Variants in HYDIN observed in about 807,000 individuals in gnomAD.
The protein encoded by HYDIN is HYDIN axonemal central pair apparatus protein.
HYDIN carries 132 observed loss-of-function variants against 403.9 expected under a neutral mutation model. The ratio of observed to expected loss-of-function variants is 0.33; its 90% confidence interval spans 0.28 to 0.38. The LOEUF is 0.38. Among genes scored for constraint, HYDIN ranks in the 10% least tolerant of loss-of-function variants. The pLI, the probability that HYDIN is intolerant of heterozygous loss-of-function variation, is 1.00. For synonymous variants in HYDIN, 1,202 were observed against 1,891.7 expected (o/e 0.64, Z 9.46); for missense variants, 2,827 against 5,009.5 (o/e 0.56, Z 13.15).
intron 18 of HYDIN, among the ~76,000 whole-genome samples, chr16:71,057,415 A>G (rs1172702113): frequency 1.3e-5 from 2 of 152,220 alleles, no homozygotes; most frequent in East Asian, 3.8e-4. Context: ...AATGGCTGCT[A>G]ACTGGGACCA....
intron 12 of HYDIN, among the ~76,000 whole-genome samples, chr16:71,081,767 G>T (rs2082792563): frequency 6.6e-6 from 1 of 150,662 alleles, no homozygotes; most frequent in Admixed American, 6.6e-5. Flanking sequence ...CAGTGCAGGG[G>T]TCTGTTAAAA....
chr16:70,889,654 T>C lies in HYDIN; in HGVS notation c.9707A>G (p.Lys3236Arg). The change falls in exon 58 of 86, where the codon AAA becomes AGA. Residue 3236 changes from lysine to arginine, a missense_variant. Transcript: ENST00000393567. ...CTTGGCTGCTCTGGAAGAGCCAGTTTTGTAGAAGCTCTCACTTTCTCGGGA... is the reference window on the plus strand; with the variant it reads ...CTTGGCTGCTCTGGAAGAGCCAGTTCTGTAGAAGCTCTCACTTTCTCGGGA... Reference protein sequence around the residue: ...ARSRESESFYKTGSSRAAKFS... With the variant: ...ARSRESESFYRTGSSRAAKFS... 3.0e-6 allele frequency: 2 copies of C among 665,814 alleles called. No homozygotes were observed. Among genetic ancestry groups the C allele is most frequent in the Non-Finnish European group, 5.1e-6 (2 of 394,386 alleles). The allele number at this position is 665,814 out of a possible 1,614,324, so 41.2% of individuals were successfully genotyped here.
intron 68 of HYDIN, among the ~76,000 whole-genome samples, chr16:70,862,806 T>C (rs2039494701): frequency 6.6e-6 from 1 of 150,796 alleles, no homozygotes; most frequent in Non-Finnish European, 1.5e-5. Context: ...AAGGGATCTA[T>C]AATCTCCCAC....
At chr16:71,191,997 T>A (rs559092780) in intron 1 of HYDIN, among the ~76,000 whole-genome samples, 1 of 152,154 alleles carries the variant, frequency 6.6e-6, no homozygotes, top group Non-Finnish European at 1.5e-5. Context: ...ATTATATGTT[T>A]TAGTTACTTT....
intron 18 of HYDIN, among the ~76,000 whole-genome samples, chr16:71,051,668 A>AAAAC (rs1295410639): frequency 8.9e-6 from 1 of 112,308 alleles, no homozygotes; most frequent in African/African-American, 3.2e-5. Flanking sequence ...AACAAAAAAA[A>AAAAC]CAAAAAAAAG....
chr16:71,224,622 C>T (rs572986632), intron 1 of HYDIN, among the ~76,000 whole-genome samples: 188 of 132,894 alleles, frequency 1.4e-3, no homozygotes, highest in South Asian at 2.9e-3. Context: ...AGTGCAGTGG[C>T]GGGATCTCGG....
Position 70,805,865 on chromosome 16 carries a change from A to C in HYDIN, c.*1715T>G, listed in dbSNP as rs2035083735. 6.6e-6 allele frequency among the ~76,000 whole-genome samples: 1 copy of C among 152,174 alleles called. No individual in the cohort carries two copies. The highest frequency in any genetic ancestry group is 1.5e-5 in the Non-Finnish European group (1 of 68,034). On this transcript the variant is annotated 3_prime_UTR_variant, in exon 86 of 86. Transcript: ENST00000393567. ...TGTGGAATGAAAATATTTAATGAAAAATTCCAGAAATAAAAAATTCATACT... is the reference window on the plus strand; with the variant it reads ...TGTGGAATGAAAATATTTAATGAAACATTCCAGAAATAAAAAATTCATACT...
At chr16:71,058,343 ACAAAAAAC>A (rs901551166) in intron 18 of HYDIN, among the ~76,000 whole-genome samples, 1 of 139,080 alleles carries the variant, frequency 7.2e-6, no homozygotes, top group African/African-American at 2.6e-5. Context: ...TATCGCAAGA[ACAAAAAAC>A]CAAACAGCAC....
rs1170357212 is a variant in HYDIN at position 71,093,852 on chromosome 16, C to T, written c.1411G>A (p.Gly471Arg). ...IHFNFELLDI[G>R]KVFTGSAHCY... ...TGTGCAGATCCAGTGAAAACTTTCC[C>T]AATATCCAGCAATTCAAAGTTGAAG... Residue 471 changes from glycine to arginine, a missense_variant, in exon 11 of 86, where the codon GGG becomes AGG. By Grantham distance (125) the Gly-to-Arg change is moderately radical (BLOSUM62 -2). Coordinates refer to ENST00000393567, the MANE Select transcript of HYDIN (RefSeq NM_001270974.2). 1 of 1,613,520 alleles carries T rather than the reference C, an allele frequency of 6.2e-7. No individual in the cohort carries two copies. Among genetic ancestry groups the T allele is most frequent in the African/African-American group, 1.3e-5 (1 of 74,992 alleles).
At position 70,879,383 on chromosome 16, in the gene HYDIN, G is replaced by A. The variant is rs2040637546; in HGVS notation, c.10471C>T (p.Pro3491Ser). 2.5e-6 allele frequency: 4 copies of A among 1,569,562 alleles called. No homozygotes were observed. Among genetic ancestry groups the A allele is most frequent in the Non-Finnish European group, 3.5e-6 (4 of 1,141,186 alleles). ...RPVLHNQYGNPLLLFKRLLLG... is the reference protein window; with the variant it reads ...RPVLHNQYGNSLLLFKRLLLG... ...AGAAGCCTCTTAAAGAGGAGCAAGGGGTTTCCATATTGGTTATGAAGAACT... is the reference window on the plus strand; with the variant it reads ...AGAAGCCTCTTAAAGAGGAGCAAGGAGTTTCCATATTGGTTATGAAGAACT... The change falls in exon 62 of 86, where the codon CCC becomes TCC. Residue 3491 changes from proline (P) to serine (S), a missense_variant. Coordinates refer to ENST00000393567, the MANE Select transcript of HYDIN (RefSeq NM_001270974.2).
intron 13 of HYDIN, among the ~76,000 whole-genome samples, chr16:71,078,758 G>A (rs1202259488): frequency 6.6e-6 from 1 of 152,276 alleles, no homozygotes; most frequent in African/African-American, 2.4e-5. Context: ...CTCCCGCCTC[G>A]CCCTCCCAAA....
At chr16:71,130,397 T>C (rs1414611316) in intron 8 of HYDIN, among the ~76,000 whole-genome samples, 2 of 150,960 alleles carry the variant, frequency 1.3e-5, no homozygotes, top group African/African-American at 4.9e-5. Context: ...ATCAGAAAGA[T>C]GTGTTGAGGG....
At chr16:71,008,301 T>C (rs2079956393) in intron 23 of HYDIN, among the ~76,000 whole-genome samples, 1 of 152,138 alleles carries the variant, frequency 6.6e-6, no homozygotes, top group Non-Finnish European at 1.5e-5. Context: ...AAAGTTGAAA[T>C]GATTAACAAA....
chr16:70,978,699 C>T (rs2078958273), intron 30 of HYDIN, among the ~76,000 whole-genome samples: 1 of 152,196 alleles, frequency 6.6e-6, no homozygotes, highest in Non-Finnish European at 1.5e-5. Flanking sequence ...GCTCATCTTG[C>T]CTCTCCTAGC....
chr16:70,911,606 G>A (rs1253178593), intron 47 of HYDIN, among the ~76,000 whole-genome samples: 2 of 149,466 alleles, frequency 1.3e-5, no homozygotes, highest in Non-Finnish European at 3.0e-5. Context: ...CTCTTTTTTG[G>A]TTCCATATGA....
chr16:70,809,571 G>A (rs534312489), intron 85 of HYDIN, among the ~76,000 whole-genome samples: 175 of 152,326 alleles, frequency 1.1e-3, no homozygotes, highest in Non-Finnish European at 1.5e-3. Context: ...AAGACAGAAA[G>A]TCTGTAATGG....
intron 6 of HYDIN, among the ~76,000 whole-genome samples, chr16:71,154,314 G>A (rs2085667141): frequency 6.8e-6 from 1 of 147,608 alleles, no homozygotes; most frequent in Admixed American, 6.8e-5. Flanking sequence ...TATTTATGGG[G>A]TACGTGAGAT....
chr16:71,066,337 T>A (rs2082263594), intron 15 of HYDIN: 1 of 153,118 alleles, frequency 6.5e-6, no homozygotes, highest in South Asian at 2.0e-4. Context: ...TTAAGTTGTT[T>A]CTGCACTGCT....
intron 23 of HYDIN, among the ~76,000 whole-genome samples, chr16:71,017,848 G>C (rs1288731734): frequency 6.6e-6 from 1 of 152,204 alleles, no homozygotes; most frequent in Non-Finnish European, 1.5e-5. Context: ...AATTTCTAAT[G>C]GTCTTATCAC....
Sources: gnomAD v4.1 joint callset for allele counts (sites outside exome capture counted in the v4.1 genomes callset) on GRCh38, gnomAD v4.1.1 for gene constraint, MANE v1.5 for transcripts, NCBI Gene and HGNC (gene_info 2026-07-23, HGNC 2026-07-21) for gene names.